The following DRC2 variants were observed in gnomAD, a reference collection of about 807,000 sequenced individuals.
The protein encoded by DRC2 is dynein regulatory complex subunit 2.
the DRC2 span, chr12:48,914,508 C>A: frequency 6.2e-7 from 1 of 1,614,180 alleles, no homozygotes; most frequent in Non-Finnish European, 8.5e-7. Context: ...GGCACCGGCT[C>A]AGTCTCCTGG....
chr12:48,919,221 CTT>C, the DRC2 span, among the ~76,000 whole-genome samples: 23 of 144,716 alleles, frequency 1.6e-4, no homozygotes, highest in Admixed American at 2.7e-4. Context: ...CCCCTTCCTA[CTT>C]TTTTTTTTTT....
chr12:48,921,399 A>G, the DRC2 span: 1 of 1,614,138 alleles, frequency 6.2e-7, no homozygotes, highest in Non-Finnish European at 8.5e-7. Flanking sequence ...GCCCTTGTCC[A>G]TACGTATAGC....
chr12:48,918,213 A>G, the DRC2 span: 17 of 1,496,794 alleles, frequency 1.1e-5, no homozygotes, highest in Admixed American at 1.7e-5. Context: ...GATTGCTGGT[A>G]GAAGTGAAAG....
At chr12:48,920,334 G>A in the DRC2 span, among the ~76,000 whole-genome samples, 5 of 148,542 alleles carry the variant, frequency 3.4e-5, no homozygotes, top group East Asian at 8.2e-4. Flanking sequence ...CCAGCTACTC[G>A]GGAAGCTGAG....
chr12:48,919,748 C>T, the DRC2 span, among the ~76,000 whole-genome samples: 1 of 151,864 alleles, frequency 6.6e-6, no homozygotes, highest in African/African-American at 2.4e-5. Flanking sequence ...GAACTCCTGA[C>T]CTCAGCGATC....
the DRC2 span, chr12:48,918,781 G>A: frequency 2.5e-6 from 4 of 1,614,118 alleles, no homozygotes; most frequent in Non-Finnish European, 3.4e-6. Flanking sequence ...ATTGGTCCTT[G>A]TACAACTGCG....
chr12:48,914,776 A>T, the DRC2 span, among the ~76,000 whole-genome samples: 1 of 152,100 alleles, frequency 6.6e-6, no homozygotes, highest in South Asian at 2.1e-4. Context: ...TACTCACGTC[A>T]GGTCCCTGTC....
chr12:48,918,111 A>C, the DRC2 span: 6 of 641,656 alleles, frequency 9.4e-6, no homozygotes, highest in South Asian at 9.9e-5. Context: ...CCGGCCCACA[A>C]AACATATTTA....
chr12:48,906,854 C>G, the DRC2 span, among the ~76,000 whole-genome samples: 1 of 151,854 alleles, frequency 6.6e-6, no homozygotes, highest in Non-Finnish European at 1.5e-5. Flanking sequence ...ACGTTAGCCA[C>G]CGCGCCCAGC....
chr12:48,921,091 CG>C, the DRC2 span: 33 of 1,610,490 alleles, frequency 2.0e-5, 1 homozygote, highest in South Asian at 3.0e-4. Flanking sequence ...AGGTAAAGCC[CG>C]GGGGATGGTG....
the DRC2 span, chr12:48,905,081 C>A: frequency 8.1e-6 from 13 of 1,613,018 alleles, no homozygotes; most frequent in Non-Finnish European, 1.1e-5. Flanking sequence ...AACATTTGAA[C>A]GAGTGGTGGA....
the DRC2 span, among the ~76,000 whole-genome samples, chr12:48,920,044 T>G: frequency 7.3e-6 from 1 of 137,334 alleles, no homozygotes; most frequent in Non-Finnish European, 1.5e-5. Flanking sequence ...GCCTGGGACA[T>G]CGCGGCTGCA....
At chr12:48,905,021 C>T in the DRC2 span, 74 of 1,613,852 alleles carry the variant, frequency 4.6e-5, 2 homozygotes, top group South Asian at 7.2e-4. Context: ...AACTGTCCTT[C>T]GGGAAGTCAA....
At chr12:48,915,114 C>CTTTTT in the DRC2 span, among the ~76,000 whole-genome samples, 183 of 133,552 alleles carry the variant, frequency 1.4e-3, no homozygotes, top group Non-Finnish European at 1.9e-3. Context: ...CACTTTCTTT[C>CTTTTT]TTTTTTTTTT....
At chr12:48,912,437 C>CAAA in the DRC2 span, among the ~76,000 whole-genome samples, 18,896 of 45,230 alleles carry the variant, frequency 0.42, 5,351 homozygotes, top group East Asian at 0.62. Flanking sequence ...GACGCCGTCT[C>CAAA]AAAAAAAAAA....
the DRC2 span, among the ~76,000 whole-genome samples, chr12:48,916,419 G>C: frequency 6.6e-6 from 1 of 151,792 alleles, no homozygotes. Flanking sequence ...CCAACACAGC[G>C]AAACCCCGTC....
the DRC2 span, among the ~76,000 whole-genome samples, chr12:48,915,924 G>A: frequency 6.6e-6 from 1 of 151,156 alleles, no homozygotes. Flanking sequence ...CCCAGACGGG[G>A]TGGCGGCCGG....
the DRC2 span, among the ~76,000 whole-genome samples, chr12:48,911,111 T>A: frequency 1.3e-5 from 2 of 152,230 alleles, no homozygotes; most frequent in African/African-American, 2.4e-5. Context: ...CCTCTGTATT[T>A]TTATTTTGGT....
chr12:48,913,019 C>T, the DRC2 span, among the ~76,000 whole-genome samples: 3 of 151,268 alleles, frequency 2.0e-5, no homozygotes, highest in Admixed American at 6.6e-5. Flanking sequence ...CATCTGTAGT[C>T]CCAGCTACTT....
Sources: gnomAD v4.1 joint callset for allele counts (sites outside exome capture counted in the v4.1 genomes callset) on GRCh38, gnomAD v4.1.1 for gene constraint, MANE v1.5 for transcripts, NCBI Gene and HGNC (gene_info 2026-07-23, HGNC 2026-07-21) for gene names.